Variants in STAG1 observed in about 807,000 individuals in gnomAD.
STAG1 encodes cohesin subunit SA-1.
In STAG1, 26 loss-of-function variants were observed where a neutral mutation model predicts 170.9. The observed-to-expected ratio is 0.15, with a 90% CI of 0.11 to 0.21. STAG1 has a LOEUF of 0.21. Among genes scored for constraint, STAG1 ranks in the 10% least tolerant of loss-of-function variants. STAG1 has a pLI of 1.00. For missense variants in STAG1, 964 were observed against 1,509.5 expected (o/e 0.64, Z 5.99); for synonymous variants, 514 against 497.7 (o/e 1.03, Z -0.44).
At chr3:136,373,783 T>A (rs1227868522) in intron 23 of STAG1, among the ~76,000 whole-genome samples, 1 of 152,152 alleles carries the variant, frequency 6.6e-6, no homozygotes, top group Non-Finnish European at 1.5e-5. Flanking sequence ...GTGGTCAATT[T>A]TGGAATAGGT....
At chr3:136,513,963 CTT>C (rs1576550591) in intron 7 of STAG1, among the ~76,000 whole-genome samples, 1 of 152,090 alleles carries the variant, frequency 6.6e-6, no homozygotes, top group Non-Finnish European at 1.5e-5. Context: ...GATCAGAACA[CTT>C]GTTTAAAAAT....
chr3:136,557,749 G>T (rs1375434540), intron 5 of STAG1, among the ~76,000 whole-genome samples: 5 of 151,970 alleles, frequency 3.3e-5, no homozygotes, highest in Non-Finnish European at 1.5e-5. Flanking sequence ...ATGTTGGCCA[G>T]GCCAGTCTTG....
chr3:136,428,311 G>A (rs2088193529), intron 16 of STAG1, among the ~76,000 whole-genome samples: 1 of 152,124 alleles, frequency 6.6e-6, no homozygotes, highest in Non-Finnish European at 1.5e-5. Flanking sequence ...AGAAGGCCTG[G>A]ACAACAAGGA....
intron 1 of STAG1, among the ~76,000 whole-genome samples, chr3:136,691,332 G>A (rs1942714737): frequency 6.6e-6 from 1 of 151,982 alleles, no homozygotes; most frequent in Admixed American, 6.6e-5. Flanking sequence ...CTACTCGGGA[G>A]GCTGCGGCAG....
intron 16 of STAG1, 114 bp downstream of exon 16, chr3:136,433,442 T>C: frequency 1.3e-6 from 1 of 751,832 alleles, no homozygotes. Flanking sequence ...TAGTCCATCA[T>C]TTATAAAAAC....
At chr3:136,471,031 C>T (rs563042884) in intron 12 of STAG1, among the ~76,000 whole-genome samples, 7 of 151,054 alleles carry the variant, frequency 4.6e-5, no homozygotes, top group South Asian at 4.2e-4. Flanking sequence ...ATGTAAATGA[C>T]GAGTTAGTGA....
chr3:136,493,673 AAC>A (rs913569789), intron 9 of STAG1, among the ~76,000 whole-genome samples: 7 of 151,274 alleles, frequency 4.6e-5, no homozygotes, highest in African/African-American at 1.7e-4. Context: ...AAAAAAAAAA[AAC>A]AACACAAATA....
At chr3:136,603,964 T>G (rs1938812946) in intron 4 of STAG1, among the ~76,000 whole-genome samples, 1 of 152,172 alleles carries the variant, frequency 6.6e-6, no homozygotes, top group Non-Finnish European at 1.5e-5. Flanking sequence ...ACTTAAGAAT[T>G]CTTTTTTTAT....
At chr3:136,448,886 T>C (rs111330040) in intron 14 of STAG1, among the ~76,000 whole-genome samples, 177 of 151,696 alleles carry the variant, frequency 1.2e-3, no homozygotes, top group African/African-American at 2.5e-3. Flanking sequence ...TTGCAGTGAG[T>C]GGAGATTGCA....
chr3:136,573,185 G>GAAAAGGATTAAAAAAA (rs1937331985), intron 4 of STAG1, among the ~76,000 whole-genome samples: 1 of 129,586 alleles, frequency 7.7e-6, no homozygotes, highest in Non-Finnish European at 1.6e-5. Flanking sequence ...CTTTAAAAAA[G>GAAAAGGATTAAAAAAA]AAAAGGATTA....
intron 4 of STAG1, among the ~76,000 whole-genome samples, chr3:136,593,942 G>GTA (rs1938305155): frequency 1.3e-5 from 2 of 152,204 alleles, no homozygotes; most frequent in East Asian, 3.9e-4. Flanking sequence ...TTAATCAATA[G>GTA]TATATGTGTC....
At chr3:136,404,152 G>T (rs1047456372) in intron 21 of STAG1, among the ~76,000 whole-genome samples, 1 of 152,038 alleles carries the variant, frequency 6.6e-6, no homozygotes, top group Admixed American at 6.6e-5. Context: ...CAAGAAACAA[G>T]GAACAAAAAA....
intron 7 of STAG1, among the ~76,000 whole-genome samples, chr3:136,516,325 G>A (rs1226742705): frequency 6.6e-6 from 1 of 151,916 alleles, no homozygotes; most frequent in Non-Finnish European, 1.5e-5. Context: ...GGGCAACATG[G>A]CGAAATCCCA....
At chr3:136,443,490 A>C (rs2088690343) in intron 14 of STAG1, 86 bp from the exon 15 acceptor site, 1 of 938,954 alleles carries the variant, frequency 1.1e-6, no homozygotes, top group Non-Finnish European at 1.6e-6. Context: ...CATTTTCTTC[A>C]TAATTAAAAT....
At chr3:136,563,536 A>ACTCTCT (rs150795750) in intron 5 of STAG1, among the ~76,000 whole-genome samples, 3 of 136,566 alleles carry the variant, frequency 2.2e-5, no homozygotes, top group Non-Finnish European at 3.1e-5. Context: ...GCACGCACAA[A>ACTCTCT]CTCTCTCTCT....
chr3:136,652,816 C>T (rs532464501), intron 1 of STAG1, among the ~76,000 whole-genome samples: 5 of 152,264 alleles, frequency 3.3e-5, no homozygotes, highest in South Asian at 2.1e-4. Flanking sequence ...TTCTCAACCT[C>T]GGCATTATTG....
At chr3:136,536,583 C>A (rs1301833820) in intron 6 of STAG1, among the ~76,000 whole-genome samples, 1 of 151,770 alleles carries the variant, frequency 6.6e-6, no homozygotes, top group Non-Finnish European at 1.5e-5. Flanking sequence ...CGCCTGTAGT[C>A]CCAGCTACTC....
At chr3:136,470,201 C>T (rs919694905) in intron 12 of STAG1, among the ~76,000 whole-genome samples, 4 of 152,112 alleles carry the variant, frequency 2.6e-5, no homozygotes, top group Admixed American at 6.6e-5. Context: ...AACAGGCAAC[C>T]TACAGAATGG....
chr3:136,457,619 C>T (rs912662021), intron 13 of STAG1, among the ~76,000 whole-genome samples: 14 of 152,092 alleles, frequency 9.2e-5, no homozygotes, highest in East Asian at 3.8e-4. Flanking sequence ...TGCTGGACTT[C>T]GTAGCCCCCA....
Sources: allele counts gnomAD v4.1 joint callset (sites outside exome capture counted in the v4.1 genomes callset), GRCh38; gene constraint gnomAD v4.1.1; transcripts MANE v1.5; gene names NCBI Gene and HGNC (gene_info 2026-07-23, HGNC 2026-07-21).